The following SLC8A1 variants were observed in gnomAD, a reference collection of about 807,000 sequenced individuals.
The protein encoded by SLC8A1 is solute carrier family 8 member A1.
SLC8A1 carries 18 observed loss-of-function variants against 68.3 expected under a neutral mutation model. That is an observed-to-expected ratio of 0.26 (90% CI 0.18 to 0.39). The LOEUF (loss-of-function observed/expected upper bound fraction) is 0.39, where lower values mean the gene tolerates loss of function less well. Ranked by LOEUF, SLC8A1 falls within the 10% of genes least tolerant of loss-of-function variation. SLC8A1 has a pLI of 1.00. For missense variants in SLC8A1, 985 were observed against 1,156.7 expected, an observed-to-expected ratio of 0.85 and a Z score of 2.15; for synonymous variants, 475 against 415.5, an observed-to-expected ratio of 1.14 and a Z score of -1.74.
chr2:40,239,260 A>G (rs2060878687), intron 2 of SLC8A1, among the ~76,000 whole-genome samples: 1 of 152,204 alleles, frequency 6.6e-6, no homozygotes, highest in Admixed American at 6.5e-5. Context: ...TATCTTTAAT[A>G]TTGCCCAATC....
At chr2:40,437,794 G>T (rs1290923828) in intron 1 of SLC8A1, among the ~76,000 whole-genome samples, 1 of 151,968 alleles carries the variant, frequency 6.6e-6, no homozygotes, top group Non-Finnish European at 1.5e-5. Context: ...TTCGTTTATG[G>T]TTTTATCTGC....
intron 6 of SLC8A1, among the ~76,000 whole-genome samples, chr2:40,141,092 C>T (rs968029613): frequency 9.9e-5 from 15 of 152,140 alleles, no homozygotes; most frequent in Non-Finnish European, 1.8e-4. Context: ...TTTGTTGACC[C>T]ATTCCAACCT....
At chr2:40,510,083 C>T (rs1167423179) in intron 1 of SLC8A1, among the ~76,000 whole-genome samples, 3 of 152,188 alleles carry the variant, frequency 2.0e-5, no homozygotes, top group Non-Finnish European at 2.9e-5. Flanking sequence ...TCCTCAGCCT[C>T]CCAAAGTGCT....
chr2:40,350,434 T>C (rs1670694652), intron 2 of SLC8A1, among the ~76,000 whole-genome samples: 1 of 151,954 alleles, frequency 6.6e-6, no homozygotes, highest in Non-Finnish European at 1.5e-5. Flanking sequence ...TGAACTGTGA[T>C]CGTGCCACTG....
intron 2 of SLC8A1, among the ~76,000 whole-genome samples, chr2:40,302,321 A>G (rs2071646524): frequency 6.6e-6 from 1 of 151,714 alleles, no homozygotes. Flanking sequence ...GTGAGAACAT[A>G]TGATCTTTGG....
chr2:40,417,540 G>C (rs1369349926), intron 2 of SLC8A1, among the ~76,000 whole-genome samples: 1 of 151,920 alleles, frequency 6.6e-6, no homozygotes, highest in African/African-American at 2.4e-5. Context: ...ACAAGGTCTC[G>C]CTCTGTCACC....
intron 2 of SLC8A1, chr2:40,190,494 C>G (rs536664067): frequency 5.9e-5 from 9 of 152,184 alleles, no homozygotes; most frequent in Non-Finnish European, 8.8e-5. Context: ...TAATTCACCA[C>G]TCTTCATAGA....
intron 1 of SLC8A1, among the ~76,000 whole-genome samples, chr2:40,475,253 C>A (rs1303503598): frequency 3.3e-5 from 5 of 152,158 alleles, no homozygotes; most frequent in African/African-American, 1.2e-4. Flanking sequence ...CCTGCCTCAG[C>A]CTCCCACGTA....
chr2:40,194,064 T>C (rs542240197), intron 2 of SLC8A1, among the ~76,000 whole-genome samples: 2 of 152,142 alleles, frequency 1.3e-5, no homozygotes, highest in African/African-American at 4.8e-5. Context: ...ATGGAGGTAG[T>C]AAAATACGAA....
intron 2 of SLC8A1, among the ~76,000 whole-genome samples, chr2:40,380,691 G>A (rs563229241): frequency 1.2e-4 from 19 of 152,112 alleles, no homozygotes; most frequent in East Asian, 5.8e-4. Context: ...CACTTACTGC[G>A]ATTTCAAAGA....
rs113574267 is a variant in SLC8A1 at position 40,469,222 on chromosome 2, G to A, written c.-24-38918C>T. 7.2e-3 allele frequency among the ~76,000 whole-genome samples: 1,101 copies of A among 152,198 alleles called. 16 individuals are homozygous for A. Among genetic ancestry groups the A allele is most frequent in the African/African-American group, 0.025 (1,036 of 41,544 alleles). ...ATGGTTTGACTCTGTGTCCCTAGCC[G>A]AATTTCATATGGAATTGTAATACCT... On this transcript the variant is annotated intron_variant, in intron 1 of 7. Transcript: ENST00000402441.
chr2:40,238,675 G>GCAAT (rs2060784470), intron 2 of SLC8A1, among the ~76,000 whole-genome samples: 1 of 152,182 alleles, frequency 6.6e-6, no homozygotes, highest in Admixed American at 6.5e-5. Flanking sequence ...CTAGAGCTAT[G>GCAAT]CAATCAGTCT....
At chr2:40,200,473 T>C (rs1250341385) in intron 2 of SLC8A1, among the ~76,000 whole-genome samples, 1 of 150,254 alleles carries the variant, frequency 6.7e-6, no homozygotes, top group African/African-American at 2.4e-5. Flanking sequence ...CATCTGGAAC[T>C]TGGAAGGTAA....
At chr2:40,178,264 G>A in intron 2 of SLC8A1, 123 bp downstream of exon 3, 2 of 772,560 alleles carry the variant, frequency 2.6e-6, no homozygotes, top group East Asian at 4.9e-5. Flanking sequence ...CATGAGATCT[G>A]TGCCCTGTTA....
At position 40,152,331 on chromosome 2, in the gene SLC8A1, T is replaced by C. The variant is rs141466395; in HGVS notation, c.2161+8434A>G. ...ATACAGGTTAGAAAAACCTCCAACA[T>C]AGTAAAACAACAGATAAATAGAGTT... On this transcript the variant is annotated intron_variant, in intron 6 of 7. Coordinates refer to ENST00000406785, the Ensembl canonical transcript of SLC8A1. Among the ~76,000 whole-genome samples the C allele has an allele frequency of 1.1e-4, 17 of 152,270 alleles. 1 individual carries two copies. In the East Asian group the frequency reaches 3.3e-3, roughly 29 times the overall value.
At chr2:40,190,925 CTG>C (rs137934196) in intron 2 of SLC8A1, among the ~76,000 whole-genome samples, 4 of 152,018 alleles carry the variant, frequency 2.6e-5, no homozygotes, top group South Asian at 2.1e-4. Flanking sequence ...TGGTCAATAA[CTG>C]TGTGTGTGGG....
At chr2:40,494,677 A>C (rs1412533222) in intron 1 of SLC8A1, among the ~76,000 whole-genome samples, 6 of 112,524 alleles carry the variant, frequency 5.3e-5, no homozygotes, top group Non-Finnish European at 9.9e-5. Context: ...ATATATATAT[A>C]TATATATCCA....
At chr2:40,469,869 C>A (rs774793029) in intron 1 of SLC8A1, among the ~76,000 whole-genome samples, 7 of 152,082 alleles carry the variant, frequency 4.6e-5, no homozygotes, top group African/African-American at 1.7e-4. Flanking sequence ...CAACTTGATT[C>A]GTTTATTATA....
At chr2:40,441,430 A>G (rs759003020) in intron 1 of SLC8A1, among the ~76,000 whole-genome samples, 8 of 152,046 alleles carry the variant, frequency 5.3e-5, no homozygotes, top group Non-Finnish European at 8.8e-5. Flanking sequence ...TTCATATCGA[A>G]CAAAAAAAGA....
Sources: gnomAD v4.1 joint callset for allele counts (sites outside exome capture counted in the v4.1 genomes callset) on GRCh38, gnomAD v4.1.1 for gene constraint, MANE v1.5 for transcripts, NCBI Gene and HGNC (gene_info 2026-07-23, HGNC 2026-07-21) for gene names.